Variants in WDPCP observed in about 807,000 individuals in gnomAD.
WDPCP encodes the protein WD repeat-containing and planar cell polarity effector protein fritz homolog.
In WDPCP, 71 loss-of-function variants were observed where a neutral mutation model predicts 93.1. The ratio of observed to expected loss-of-function variants is 0.76; its 90% confidence interval spans 0.63 to 0.93. The LOEUF (loss-of-function observed/expected upper bound fraction) is 0.93. Ranked by LOEUF, WDPCP falls within the 40% of genes least tolerant of loss-of-function variation. The pLI, the probability that WDPCP is intolerant of heterozygous loss-of-function variation, is 0.00. For synonymous variants in WDPCP, 315 were observed against 315.0 expected, an observed-to-expected ratio of 1.00 and a Z score of 0.00; for missense variants, 844 against 887.4, an observed-to-expected ratio of 0.95 and a Z score of 0.62.
chr2:63,623,765 T>C (rs1191521991), intron 3 of WDPCP, among the ~76,000 whole-genome samples: 1 of 152,102 alleles, frequency 6.6e-6, no homozygotes, highest in Non-Finnish European at 1.5e-5. Context: ...ACTGTCAATA[T>C]CAGACAGATC....
chr2:63,490,355 T>C (rs773064239), intron 2 of WDPCP, among the ~76,000 whole-genome samples: 8 of 152,138 alleles, frequency 5.3e-5, no homozygotes, highest in Non-Finnish European at 8.8e-5. Flanking sequence ...TTGGAGGTGA[T>C]AAAGCATCAG....
rs576614092 is a variant in WDPCP, at chr2:63,505,738, G to T, written c.76-12798C>A. Among the ~76,000 whole-genome samples, 18 of 152,100 alleles carry T rather than the reference G, an allele frequency of 1.2e-4. No homozygotes were observed. The South Asian group carries it at 3.7e-3, about 32-fold the overall frequency. On this transcript the variant is annotated intron_variant, in intron 1 of 17. Transcript: ENST00000272321. ...CTACCTGAAAAAAAGGAGTTTCACT[G>T]GATATCATTTTATCTTCTAATTATT...
chr2:63,729,014 A>G (rs1212189286), intron 2 of WDPCP, among the ~76,000 whole-genome samples: 1 of 152,220 alleles, frequency 6.6e-6, no homozygotes, highest in East Asian at 1.9e-4. Context: ...AGAGTTAATT[A>G]TGCCCCTCAA....
intron 2 of WDPCP, among the ~76,000 whole-genome samples, chr2:63,740,837 C>G (rs915536046): frequency 1.2e-4 from 19 of 152,112 alleles, no homozygotes; most frequent in African/African-American, 3.9e-4. Context: ...CAGCCCAGAG[C>G]CATGCCCAAC....
In WDPCP at chr2:63,362,258, C is replaced by CT. The variant is rs67493046; in HGVS notation, c.1748+16127dup. On this transcript the variant is annotated intron_variant, in intron 12 of 17. Coordinates refer to ENST00000272321, the MANE Select transcript of WDPCP (RefSeq NM_015910.7). Reference sequence around the variant, plus strand: ...TATCCTGGTAAAATCGGTAGAATCCCTTTTTTTTTTTTTTTTGGTTGTGTG... The same window carrying CT: ...TATCCTGGTAAAATCGGTAGAATCCCTTTTTTTTTTTTTTTTTGGTTGTGTG... Among the ~76,000 whole-genome samples, 832 of 93,236 alleles carry CT rather than the reference C, an allele frequency of 8.9e-3. 54 individuals are homozygous for CT. Among genetic ancestry groups the CT allele is most frequent in the Admixed American group, 0.019 (125 of 6,584 alleles). 61.2% of individuals were successfully genotyped at this position (93,236 alleles called of 152,430 possible). A position where few individuals can be genotyped will look rare whatever the true frequency, so the allele number is the denominator to read the frequency against.
At chr2:63,756,326 T>C (rs1445871012) in intron 2 of WDPCP, among the ~76,000 whole-genome samples, 1 of 152,224 alleles carries the variant, frequency 6.6e-6, no homozygotes, top group East Asian at 1.9e-4. Context: ...AATTGCTGCA[T>C]CCTGCATTGT....
chr2:63,815,649 A>T (rs1485551645), intron 1 of WDPCP, among the ~76,000 whole-genome samples: 1 of 152,198 alleles, frequency 6.6e-6, no homozygotes, highest in Non-Finnish European at 1.5e-5. Flanking sequence ...CCAGTAGTAT[A>T]GTTGGCCTAT....
intron 12 of WDPCP, among the ~76,000 whole-genome samples, chr2:63,352,940 T>C (rs1314064844): frequency 6.6e-6 from 1 of 152,210 alleles, no homozygotes; most frequent in African/African-American, 2.4e-5. Context: ...GTAGTGGCCC[T>C]TTCTAATAAA....
At chr2:63,330,456 T>G (rs1398549529) in intron 12 of WDPCP, among the ~76,000 whole-genome samples, 3 of 152,202 alleles carry the variant, frequency 2.0e-5, no homozygotes, top group Non-Finnish European at 2.9e-5. Flanking sequence ...TTGTATGAGT[T>G]CCTTATATAT....
rs776529473 is a variant in WDPCP, at chr2:63,439,805, T to G, written c.451A>C (p.Ile151Leu). Residue 151 changes from isoleucine to leucine, a missense_variant, in exon 7 of 18, where the codon ATT becomes CTT. By Grantham distance (5) the Ile-to-Leu change is conservative. Coordinates refer to ENST00000272321, the MANE Select transcript of WDPCP (RefSeq NM_015910.7). Reference protein sequence around the residue: ...LSGPQLEKVVIDRSLVGKLIS... With the variant: ...LSGPQLEKVVLDRSLVGKLIS... ...AGCTTCCCCACCAGGCTTCTGTCAATCACCACTTTCTCCAGCTGCGGCCCA... is the reference window on the plus strand; with the variant it reads ...AGCTTCCCCACCAGGCTTCTGTCAAGCACCACTTTCTCCAGCTGCGGCCCA... 1.9e-6 allele frequency: 3 copies of G among 1,613,260 alleles called. No homozygotes were observed. Among genetic ancestry groups the G allele is most frequent in the Non-Finnish European group, 2.5e-6 (3 of 1,179,404 alleles).
chr2:63,794,092 G>A (rs1041565302), intron 2 of WDPCP, among the ~76,000 whole-genome samples: 7 of 151,978 alleles, frequency 4.6e-5, no homozygotes, highest in East Asian at 1.9e-4. Flanking sequence ...TGGTCAACCC[G>A]GCCATGTCAT....
At position 63,394,438 on chromosome 2, in the gene WDPCP, G is replaced by A. The variant is rs551561426; in HGVS notation, c.1435+9610C>T. Among the ~76,000 whole-genome samples the A allele has an allele frequency of 2.6e-4, 40 of 152,146 alleles. No homozygotes were observed. In the South Asian group the frequency reaches 7.3e-3, roughly 28 times the overall value. Reference sequence around the variant, plus strand: ...AAGAGGATGCTTATACACTGCTAGTGGGAACGTAAATTAGCTCAGACATGG... The same window carrying A: ...AAGAGGATGCTTATACACTGCTAGTAGGAACGTAAATTAGCTCAGACATGG... On this transcript the variant is annotated intron_variant, in intron 10 of 17. Coordinates refer to ENST00000272321, the MANE Select transcript of WDPCP (RefSeq NM_015910.7).
intron 9 of WDPCP, among the ~76,000 whole-genome samples, chr2:63,421,750 A>T (rs1226992969): frequency 6.6e-6 from 1 of 152,212 alleles, no homozygotes; most frequent in Non-Finnish European, 1.5e-5. Context: ...CCCAAAACCT[A>T]CAGACAACTA....
intron 14 of WDPCP, among the ~76,000 whole-genome samples, chr2:63,255,131 T>C (rs541455766): frequency 1.3e-5 from 2 of 152,246 alleles, no homozygotes; most frequent in African/African-American, 4.8e-5. Context: ...GGAACTTTAT[T>C]AATATGAATA....
At chr2:63,280,396 G>A (rs769507480) in intron 13 of WDPCP, among the ~76,000 whole-genome samples, 31 of 152,054 alleles carry the variant, frequency 2.0e-4, no homozygotes, top group African/African-American at 4.8e-4. Flanking sequence ...GAGACAGACC[G>A]ACCCCCATGA....
chr2:63,141,169 C>T (rs1383754495), intron 17 of WDPCP, among the ~76,000 whole-genome samples: 1 of 152,082 alleles, frequency 6.6e-6, no homozygotes, highest in Non-Finnish European at 1.5e-5. Context: ...ACCTCCGCCT[C>T]CTGGGTTCAA....
At chr2:63,526,595 T>C (rs772296223) in intron 1 of WDPCP, among the ~76,000 whole-genome samples, 1 of 152,204 alleles carries the variant, frequency 6.6e-6, no homozygotes, top group Non-Finnish European at 1.5e-5. Flanking sequence ...ACCTGTGCTT[T>C]CTATTCCTCA....
Position 63,280,162 on chromosome 2 carries a change from T to C in WDPCP, c.1813-20753A>G, listed in dbSNP as rs149684376. Among the ~76,000 whole-genome samples, 12 of 152,256 alleles carry C rather than the reference T, an allele frequency of 7.9e-5. No individual in the cohort carries two copies. The East Asian group carries it at 9.7e-4, about 12-fold the overall frequency. ...CAAAAAAGAGCGCTGTATTAGTTCA[T>C]TTGCATGCTGCTGATAAAGACATAC... On this transcript the variant is annotated intron_variant, in intron 13 of 17. Coordinates refer to ENST00000272321, the MANE Select transcript of WDPCP (RefSeq NM_015910.7).
intron 3 of WDPCP, among the ~76,000 whole-genome samples, chr2:63,646,998 T>C (rs534362141): frequency 3.9e-5 from 6 of 152,264 alleles, no homozygotes; most frequent in African/African-American, 1.4e-4. Flanking sequence ...AACTTTCTAC[T>C]CCTATCTCTT....
Sources: allele counts gnomAD v4.1 joint callset (sites outside exome capture counted in the v4.1 genomes callset), GRCh38; gene constraint gnomAD v4.1.1; transcripts MANE v1.5; gene names NCBI Gene and HGNC (gene_info 2026-07-23, HGNC 2026-07-21).